MPPED1: variants seen among roughly 807,000 people sequenced by gnomAD.
MPPED1 encodes metallophosphoesterase domain-containing protein 1.
A neutral mutation model predicts 36.2 loss-of-function variants in MPPED1; 16 were observed. The observed-to-expected ratio is 0.44, with a 90% CI of 0.30 to 0.67. The LOEUF (loss-of-function observed/expected upper bound fraction) is 0.67, where lower values mean the gene tolerates loss of function less well. Among genes scored for constraint, MPPED1 ranks in the 30% least tolerant of loss-of-function variants. The pLI, the probability that MPPED1 is intolerant of heterozygous loss-of-function variation, is 0.10. For synonymous variants in MPPED1, 199 were observed against 191.3 expected, an observed-to-expected ratio of 1.04 and a Z score of -0.33; for missense variants, 307 against 453.4, an observed-to-expected ratio of 0.68 and a Z score of 2.93.
intron 3 of MPPED1, among the ~76,000 whole-genome samples, chr22:43,457,813 T>G (rs989065256): frequency 6.6e-6 from 1 of 152,182 alleles, no homozygotes; most frequent in African/African-American, 2.4e-5. Flanking sequence ...CTCCCCCTCC[T>G]TTATGCTATT....
intron 1 of MPPED1, 129 bp from the exon 2 acceptor site, chr22:43,424,779 T>A: frequency 7.8e-7 from 1 of 1,282,848 alleles, no homozygotes; most frequent in Non-Finnish European, 1.0e-6. Context: ...AATGAGTTTT[T>A]GAGCTGTACG....
intron 4 of MPPED1, among the ~76,000 whole-genome samples, chr22:43,490,176 T>G (rs551435413): frequency 6.6e-6 from 1 of 152,334 alleles, no homozygotes; most frequent in East Asian, 1.9e-4. Flanking sequence ...TGGTGTCAGC[T>G]GCCCCCATGT....
At chr22:43,479,056 C>T (rs1249645600) in intron 4 of MPPED1, among the ~76,000 whole-genome samples, 2 of 152,102 alleles carry the variant, frequency 1.3e-5, no homozygotes, top group East Asian at 1.9e-4. Context: ...TGCCTGGTGT[C>T]GAGTGGGGTG....
intron 4 of MPPED1, among the ~76,000 whole-genome samples, chr22:43,475,580 G>A (rs1428603371): frequency 3.8e-5 from 4 of 105,950 alleles, no homozygotes; most frequent in African/African-American, 7.8e-5. Context: ...GGTTGTGGTG[G>A]TGGTGGTGGT....
At chr22:43,463,859 C>CTTTCTTTCTT (rs1331722866) in intron 3 of MPPED1, among the ~76,000 whole-genome samples, 5 of 109,718 alleles carry the variant, frequency 4.6e-5, no homozygotes, top group African/African-American at 1.3e-4. Flanking sequence ...TTCTTTCTTT[C>CTTTCTTTCTT]TTTCTTTCTT....
At chr22:43,441,557 A>G (rs1294160607) in intron 3 of MPPED1, among the ~76,000 whole-genome samples, 3 of 152,204 alleles carry the variant, frequency 2.0e-5, no homozygotes, top group Non-Finnish European at 1.5e-5. Flanking sequence ...TGATGGGCCC[A>G]TTAATTAAGT....
rs541690863 is a variant in MPPED1, at chr22:43,458,818, A to G, written c.407-15918A>G. Among the ~76,000 whole-genome samples, 7 of 152,308 alleles carry G rather than the reference A, an allele frequency of 4.6e-5. No individual in the cohort carries two copies. The South Asian group carries it at 1.5e-3, about 32-fold the overall frequency. ...TTGCGGGATGTAGAATTGCTGGTCG[A>G]CAGTCCTTCTTCCTAGCGTTTGTAT... is the stretch of plus-strand genomic sequence containing the variant. On this transcript the variant is annotated intron_variant, in intron 3 of 6. Coordinates refer to ENST00000443721, the MANE Select transcript of MPPED1 (RefSeq NM_001044370.2).
At chr22:43,498,642 C>T (rs1319744666) in intron 5 of MPPED1, among the ~76,000 whole-genome samples, 1 of 152,096 alleles carries the variant, frequency 6.6e-6, no homozygotes, top group Non-Finnish European at 1.5e-5. Context: ...CCTCTGCAGA[C>T]CCCAGTCCCG....
intron 6 of MPPED1, among the ~76,000 whole-genome samples, chr22:43,504,561 T>C (rs1057039314): frequency 6.6e-6 from 1 of 151,244 alleles, no homozygotes; most frequent in African/African-American, 2.4e-5. Flanking sequence ...ATAGCAAAGA[T>C]GATGGCATTG....
intron 3 of MPPED1, among the ~76,000 whole-genome samples, chr22:43,443,438 A>G (rs1930222927): frequency 6.6e-6 from 1 of 152,158 alleles, no homozygotes; most frequent in African/African-American, 2.4e-5. Context: ...AGGCCAGGGT[A>G]GCTCAGGCTG....
At chr22:43,465,458 G>C (rs1931132762) in intron 3 of MPPED1, among the ~76,000 whole-genome samples, 1 of 152,266 alleles carries the variant, frequency 6.6e-6, no homozygotes, top group Non-Finnish European at 1.5e-5. Context: ...GAACCTCATG[G>C]ATTCAGTGGC....
intron 4 of MPPED1, among the ~76,000 whole-genome samples, chr22:43,495,666 A>T (rs1420205907): frequency 9.5e-5 from 5 of 52,538 alleles, no homozygotes; most frequent in Non-Finnish European, 7.9e-5. Flanking sequence ...GTGGTGGTGG[A>T]GGTGGTGGTG....
chr22:43,471,673 C>T (rs768277355), intron 3 of MPPED1, among the ~76,000 whole-genome samples: 22 of 152,360 alleles, frequency 1.4e-4, no homozygotes, highest in Non-Finnish European at 2.2e-4. Context: ...CCCTCCTCTC[C>T]GCAGCCTGAG....
chr22:43,413,558 G>A (rs568812056), intron 1 of MPPED1, among the ~76,000 whole-genome samples: 1 of 152,306 alleles, frequency 6.6e-6, no homozygotes, highest in African/African-American at 2.4e-5. Context: ...AGGCAGGGGA[G>A]AACCTCAATG....
intron 1 of MPPED1, among the ~76,000 whole-genome samples, chr22:43,421,394 G>A (rs1383724493): frequency 6.6e-6 from 1 of 152,262 alleles, no homozygotes; most frequent in East Asian, 1.9e-4. Flanking sequence ...GCCTCCGGGA[G>A]CCTTGCCGCC....
At chr22:43,463,534 T>A (rs905997186) in intron 3 of MPPED1, among the ~76,000 whole-genome samples, 1 of 152,088 alleles carries the variant, frequency 6.6e-6, no homozygotes, top group Non-Finnish European at 1.5e-5. Context: ...ATTTACTTCA[T>A]TGTCTTTTTT....
At chr22:43,459,689 C>T (rs1186231483) in intron 3 of MPPED1, among the ~76,000 whole-genome samples, 1 of 152,146 alleles carries the variant, frequency 6.6e-6, no homozygotes, top group African/African-American at 2.4e-5. Flanking sequence ...GTTATATCTC[C>T]TTATTGATGT....
intron 3 of MPPED1, among the ~76,000 whole-genome samples, chr22:43,464,289 C>CTGTGTGTGTGTG (rs1491290628): frequency 9.5e-6 from 1 of 105,100 alleles, no homozygotes; most frequent in African/African-American, 4.4e-5. Context: ...TGTTGGTCAG[C>CTGTGTGTGTGTG]TCTGTGTGTG....
intron 2 of MPPED1, among the ~76,000 whole-genome samples, chr22:43,428,672 T>G (rs1929569143): frequency 6.6e-6 from 1 of 152,154 alleles, no homozygotes; most frequent in South Asian, 2.1e-4. Flanking sequence ...AGTCCAAACA[T>G]GGCCTCTGGT....
Sources: allele counts gnomAD v4.1 joint callset (sites outside exome capture counted in the v4.1 genomes callset), GRCh38; gene constraint gnomAD v4.1.1; transcripts MANE v1.5; gene names NCBI Gene and HGNC (gene_info 2026-07-23, HGNC 2026-07-21).